Variants in LARGE1 observed in about 807,000 individuals in gnomAD.
The protein encoded by LARGE1 is LARGE xylosyl- and glucuronyltransferase 1.
LARGE1 carries 43 observed loss-of-function variants against 87.6 expected under a neutral mutation model. The observed-to-expected ratio is 0.49, with a 90% CI of 0.38 to 0.63. The LOEUF is 0.63. Among genes scored for constraint, LARGE1 ranks in the 30% least tolerant of loss-of-function variants. LARGE1 has a pLI of 0.00. For missense variants in LARGE1, 802 were observed against 1,000.2 expected, an observed-to-expected ratio of 0.80 and a Z score of 2.67; for synonymous variants, 434 against 394.6, an observed-to-expected ratio of 1.10 and a Z score of -1.18.
At chr22:33,403,612 T>G (rs1406615377) in intron 7 of LARGE1, among the ~76,000 whole-genome samples, 1 of 151,310 alleles carries the variant, frequency 6.6e-6, no homozygotes, top group Non-Finnish European at 1.5e-5. Flanking sequence ...TTTCTTTTCT[T>G]TTTTTTTTGA....
chr22:33,487,763 A>T (rs1206490713), intron 6 of LARGE1, among the ~76,000 whole-genome samples: 1 of 152,182 alleles, frequency 6.6e-6, no homozygotes, highest in Non-Finnish European at 1.5e-5. Context: ...GACATGGGCA[A>T]GGAAGCTCTG....
chr22:33,498,904 G>A (rs1327944292), intron 6 of LARGE1, among the ~76,000 whole-genome samples: 1 of 152,076 alleles, frequency 6.6e-6, no homozygotes, highest in African/African-American at 2.4e-5. Context: ...TCCAGGAGGC[G>A]GAGGTTGCAG....
intron 1 of LARGE1, among the ~76,000 whole-genome samples, chr22:33,773,409 AG>A (rs2085133939): frequency 6.6e-6 from 1 of 152,232 alleles, no homozygotes; most frequent in Admixed American, 6.5e-5. Flanking sequence ...CCTGCTGCGA[AG>A]TCAAATTCTC....
the LARGE1 span, among the ~76,000 whole-genome samples, chr22:33,140,217 C>G: frequency 2.0e-5 from 3 of 152,272 alleles, no homozygotes; most frequent in South Asian, 6.2e-4. Flanking sequence ...GGCAGCCTCC[C>G]CCTTCTGGGA....
intron 14 of LARGE1, among the ~76,000 whole-genome samples, chr22:33,276,811 A>C (rs1468522786): frequency 6.6e-6 from 1 of 152,172 alleles, no homozygotes; most frequent in African/African-American, 2.4e-5. Context: ...GGATGAGAAG[A>C]TGAAATGGTT....
At chr22:33,282,359 C>A (rs113165831) in intron 13 of LARGE1, among the ~76,000 whole-genome samples, 2 of 129,528 alleles carry the variant, frequency 1.5e-5, no homozygotes, top group African/African-American at 6.0e-5. Flanking sequence ...AACAAACAAA[C>A]AAAACAAACA....
At chr22:33,123,451 T>C in the LARGE1 span, among the ~76,000 whole-genome samples, 1 of 152,190 alleles carries the variant, frequency 6.6e-6, no homozygotes, top group South Asian at 2.1e-4. Flanking sequence ...GCCTATGGGA[T>C]GCTCACTGCT....
chr22:33,649,631 ACTAAAG>A (rs1175218636), intron 3 of LARGE1, among the ~76,000 whole-genome samples: 1 of 152,208 alleles, frequency 6.6e-6, no homozygotes. Flanking sequence ...TGCATAAATC[ACTAAAG>A]CTGGGATATG....
intron 1 of LARGE1, among the ~76,000 whole-genome samples, chr22:33,763,037 C>T (rs974741756): frequency 2.6e-5 from 4 of 152,172 alleles, no homozygotes; most frequent in African/African-American, 7.2e-5. Context: ...ACCCTTATAC[C>T]GCCATGAAGG....
intron 5 of LARGE1, among the ~76,000 whole-genome samples, chr22:33,594,647 C>T (rs1026024460): frequency 4.6e-5 from 7 of 152,224 alleles, no homozygotes; most frequent in Non-Finnish European, 8.8e-5. Context: ...GCTCTTGTCG[C>T]CCAGCCTGGA....
intron 4 of LARGE1, among the ~76,000 whole-genome samples, chr22:33,620,639 C>T (rs537764825): frequency 6.6e-6 from 1 of 152,184 alleles, no homozygotes; most frequent in African/African-American, 2.4e-5. Context: ...AACAAGATTA[C>T]GCCCAGGCAT....
intron 11 of LARGE1, among the ~76,000 whole-genome samples, chr22:33,179,649 A>G: frequency 6.6e-6 from 1 of 152,096 alleles, no homozygotes; most frequent in Non-Finnish European, 1.5e-5. Context: ...TGTATATCCC[A>G]ACAATTTGTT....
intron 1 of LARGE1, among the ~76,000 whole-genome samples, chr22:33,844,725 T>C (rs1158167315): frequency 6.7e-6 from 1 of 148,694 alleles, no homozygotes; most frequent in Non-Finnish European, 1.5e-5. Flanking sequence ...TTCCAAACTT[T>C]TTTTTTTTTT....
chr22:33,270,402 A>G (rs1928181746), downstream of LARGE1, among the ~76,000 whole-genome samples: 1 of 152,234 alleles, frequency 6.6e-6, no homozygotes, highest in Non-Finnish European at 1.5e-5. Flanking sequence ...TTGTATGGGA[A>G]GGCAGTAGCA....
chr22:33,270,904 A>G (rs1213524825), downstream of LARGE1, among the ~76,000 whole-genome samples: 1 of 152,202 alleles, frequency 6.6e-6, no homozygotes, highest in African/African-American at 2.4e-5. Context: ...CTGAAGCAGC[A>G]TGCTAAGTCA....
chr22:33,477,540 T>C lies in LARGE1; in HGVS notation c.788-45275A>G, dbSNP rs1486165205. Among the ~76,000 whole-genome samples, 4 of 151,944 alleles carry C rather than the reference T, an allele frequency of 2.6e-5. No individual in the cohort carries two copies. In the East Asian group the frequency reaches 5.8e-4, roughly 22 times the overall value. On this transcript the variant is annotated intron_variant, in intron 6 of 14. Transcript: ENST00000397394. Reference sequence around the variant, plus strand: ...ACCTTAATTTCATGTCCAAGAAAAGTAGTAAAAGCGTTCAGAATACCCCCA... The same window carrying C: ...ACCTTAATTTCATGTCCAAGAAAAGCAGTAAAAGCGTTCAGAATACCCCCA...
chr22:33,785,311 A>T (rs1266510058), intron 1 of LARGE1, among the ~76,000 whole-genome samples: 1 of 152,010 alleles, frequency 6.6e-6, no homozygotes, highest in Non-Finnish European at 1.5e-5. Flanking sequence ...ATATACACAC[A>T]CACCCCACTT....
intron 1 of LARGE1, among the ~76,000 whole-genome samples, chr22:33,842,275 A>C (rs1293613787): frequency 6.6e-6 from 1 of 152,194 alleles, no homozygotes; most frequent in Non-Finnish European, 1.5e-5. Context: ...AATGACACTT[A>C]CTATTCAGCT....
At chr22:33,338,018 C>T (rs1047712716) in intron 9 of LARGE1, among the ~76,000 whole-genome samples, 18 of 152,194 alleles carry the variant, frequency 1.2e-4, no homozygotes, top group Non-Finnish European at 2.4e-4. Context: ...CCTTTAATCT[C>T]ACACAAGTGA....
Sources: gnomAD v4.1 joint callset for allele counts (sites outside exome capture counted in the v4.1 genomes callset) on GRCh38, gnomAD v4.1.1 for gene constraint, MANE v1.5 for transcripts, NCBI Gene and HGNC (gene_info 2026-07-23, HGNC 2026-07-21) for gene names.